The following PFKFB3 variants were observed in gnomAD, a reference collection of about 807,000 sequenced individuals.
PFKFB3 encodes the protein 6-phosphofructo-2-kinase/fructose-2,6-biphosphatase 3.
In PFKFB3, 33 loss-of-function variants were observed where a neutral mutation model predicts 68.0. That is an observed-to-expected ratio of 0.49 (90% CI 0.37 to 0.65). PFKFB3 has a LOEUF of 0.65. Among genes scored for constraint, PFKFB3 ranks in the 30% least tolerant of loss-of-function variants. PFKFB3 has a pLI of 0.00. For synonymous variants in PFKFB3, 315 were observed against 288.2 expected, an observed-to-expected ratio of 1.09 and a Z score of -0.94; for missense variants, 586 against 712.2, an observed-to-expected ratio of 0.82 and a Z score of 2.02.
At chr10:6,147,886 G>A (rs1419280353) in intron 1 of PFKFB3, among the ~76,000 whole-genome samples, 1 of 152,154 alleles carries the variant, frequency 6.6e-6, no homozygotes, top group East Asian at 1.9e-4. Context: ...CACAGAGCTG[G>A]GTGGATTTCC....
At chr10:6,207,340 G>A (rs899839042) in intron 1 of PFKFB3, among the ~76,000 whole-genome samples, 17 of 152,250 alleles carry the variant, frequency 1.1e-4, no homozygotes, top group Non-Finnish European at 1.9e-4. Context: ...GGCAGGCTGA[G>A]GCAGGAGAAT....
At chr10:6,181,587 A>T (rs1842714120) in intron 1 of PFKFB3, among the ~76,000 whole-genome samples, 1 of 152,196 alleles carries the variant, frequency 6.6e-6, no homozygotes, top group Non-Finnish European at 1.5e-5. Context: ...TGGGAGGCTG[A>T]GGCGGGAGGA....
intron 1 of PFKFB3, among the ~76,000 whole-genome samples, chr10:6,196,665 G>A (rs935891153): frequency 1.3e-5 from 2 of 152,018 alleles, no homozygotes; most frequent in African/African-American, 2.4e-5. Context: ...GCTTTTGTTC[G>A]GGCCCTGCTG....
At chr10:6,174,642 G>T (rs1037158319) in intron 1 of PFKFB3, among the ~76,000 whole-genome samples, 1 of 152,220 alleles carries the variant, frequency 6.6e-6, no homozygotes, top group African/African-American at 2.4e-5. Context: ...CAGGGTGAGA[G>T]CCAGGGTTGG....
Position 6,246,467 on chromosome 10 carries a change from G to A in PFKFB3, c.1516-7711G>A, listed in dbSNP as rs567559925. Among the ~76,000 whole-genome samples, 254 of 151,566 alleles carry A rather than the reference G, an allele frequency of 1.7e-3. 1 individual carries two copies. Among genetic ancestry groups the A allele is most frequent in the African/African-American group, 5.9e-3 (244 of 41,418 alleles). On this transcript the variant is annotated intron_variant, in intron 14 of 14. Transcript: ENST00000640683. Reference sequence around the variant, plus strand: ...AATTCTTCCTGCCCCAGCCTCCTGCGTAGCTGGGACTGCAGGCGCCTGCCA... The same window carrying A: ...AATTCTTCCTGCCCCAGCCTCCTGCATAGCTGGGACTGCAGGCGCCTGCCA...
intron 1 of PFKFB3, among the ~76,000 whole-genome samples, chr10:6,155,630 C>T (rs1276816034): frequency 1.3e-5 from 2 of 152,252 alleles, no homozygotes; most frequent in South Asian, 2.1e-4. Flanking sequence ...ACCCCCACTC[C>T]AGGAAGACTT....
At chr10:6,316,392 C>T in the PFKFB3 span, among the ~76,000 whole-genome samples, 2 of 152,354 alleles carry the variant, frequency 1.3e-5, no homozygotes, top group African/African-American at 4.8e-5. Context: ...AAGGCAATGG[C>T]ACAAGAGCCT....
In PFKFB3 at chr10:6,220,646, GTC is replaced by G. The variant is rs1564633268; in HGVS notation, c.624-6_624-5del. On this transcript the variant is annotated splice_polypyrimidine_tract_variant and intron_variant, in intron 7 of 14. Coordinates refer to ENST00000379775, the MANE Select transcript of PFKFB3 (RefSeq NM_004566.4). This position sits in a 1 kb window ranked among gnomAD's most constrained non-coding sequence, Gnocchi z 4.1. ...GGCCTGAGCTGTGGTTCTCGGTGGG[GTC>G]TCTCTGCAGGGACTTGTCGCTGATC... is the stretch of plus-strand genomic sequence containing the variant. 5 of 1,612,360 alleles carry G rather than the reference GTC, an allele frequency of 3.1e-6. No individual in the cohort carries two copies. The South Asian group carries it at 4.4e-5, about 14-fold the overall frequency.
downstream of PFKFB3, among the ~76,000 whole-genome samples, chr10:6,258,100 T>G (rs550865868): frequency 1.6e-4 from 24 of 151,250 alleles, no homozygotes; most frequent in African/African-American, 5.3e-4. Flanking sequence ...GGAAGTAGAG[T>G]TCAAAGTACA....
intron 1 of PFKFB3, among the ~76,000 whole-genome samples, chr10:6,168,132 C>A (rs1055963752): frequency 6.6e-6 from 1 of 152,224 alleles, no homozygotes; most frequent in African/African-American, 2.4e-5. Context: ...GCCCCACTCT[C>A]CAACCCCAGC....
chr10:6,225,758 T>A (rs1326783014), intron 13 of PFKFB3, among the ~76,000 whole-genome samples: 1 of 150,250 alleles, frequency 6.7e-6, no homozygotes, highest in Non-Finnish European at 1.5e-5. Context: ...CTGCCTCGGG[T>A]CAGCGGAAGG....
the PFKFB3 span, among the ~76,000 whole-genome samples, chr10:6,279,262 C>T: frequency 6.6e-6 from 1 of 152,118 alleles, no homozygotes; most frequent in African/African-American, 2.4e-5. Context: ...CAACTGACTT[C>T]TTTTTTAAAT....
At chr10:6,293,202 G>T in the PFKFB3 span, 1 of 470,282 alleles carries the variant, frequency 2.1e-6, no homozygotes. Context: ...ATAGTAACTC[G>T]AGTCCCAGAT....
chr10:6,276,480 G>T, the PFKFB3 span, among the ~76,000 whole-genome samples: 50 of 151,974 alleles, frequency 3.3e-4, no homozygotes, highest in African/African-American at 1.1e-3. Context: ...CTGCAGACAG[G>T]ATAGTTACAG....
chr10:6,235,818 G>T (rs146339035), downstream of PFKFB3, among the ~76,000 whole-genome samples: 1,863 of 147,612 alleles, frequency 0.013, 26 homozygotes, highest in Non-Finnish European at 0.02. Context: ...CCAGGCTGGA[G>T]TGCAGTGGCG....
In PFKFB3 at chr10:6,166,074, G is replaced by T. The variant is rs908342921; in HGVS notation, c.16+21061G>T. On this transcript the variant is annotated intron_variant, in intron 1 of 14. Transcript: ENST00000379789. Reference sequence around the variant, plus strand: ...GGCTCACTGCAACTTCCGCCTCCTGGGTTCAAGCGATTCTCCTGCTTCAGC... The same window carrying T: ...GGCTCACTGCAACTTCCGCCTCCTGTGTTCAAGCGATTCTCCTGCTTCAGC... Among the ~76,000 whole-genome samples the T allele has an allele frequency of 2.6e-5, 4 of 151,680 alleles. No individual in the cohort carries two copies. The Admixed American group carries it at 2.6e-4, about 10-fold the overall frequency.
At chr10:6,256,443 C>T (rs1846497432), downstream of PFKFB3, among the ~76,000 whole-genome samples, 2 of 152,206 alleles carry the variant, frequency 1.3e-5, no homozygotes, top group East Asian at 1.9e-4. Context: ...CCGGAGGGGA[C>T]GAGGCTCTAC....
In PFKFB3 at chr10:6,204,699, G is replaced by T. The variant is rs551830874; in HGVS notation, c.76+1363G>T. ...TGCGCTTGAACTGGGGTGGCCCATGGTTCTCTTGTCTTTGTGTAAAACCTG... is the reference window on the plus strand; with the variant it reads ...TGCGCTTGAACTGGGGTGGCCCATGTTTCTCTTGTCTTTGTGTAAAACCTG... On this transcript the variant is annotated intron_variant, in intron 1 of 14. Transcript: ENST00000379775. Among the ~76,000 whole-genome samples the T allele has an allele frequency of 2.0e-5, 3 of 152,380 alleles. No homozygotes were observed. In the South Asian group the frequency reaches 6.2e-4, roughly 32 times the overall value.
intron 1 of PFKFB3, among the ~76,000 whole-genome samples, chr10:6,147,896 CCTTTTGGAG>C: frequency 6.6e-6 from 1 of 150,842 alleles, no homozygotes; most frequent in Non-Finnish European, 1.5e-5. Flanking sequence ...GGTGGATTTC[CCTTTTGGAG>C]GAGAGAGGGT....
Sources: allele counts gnomAD v4.1 joint callset (sites outside exome capture counted in the v4.1 genomes callset), GRCh38; gene constraint gnomAD v4.1.1; non-coding constraint Gnocchi (gnomAD v3.1); transcripts MANE v1.5; gene names NCBI Gene and HGNC (gene_info 2026-07-23, HGNC 2026-07-21).